Variants in TTN observed in about 807,000 individuals in gnomAD.
The protein encoded by TTN is titin.
In TTN, 1,525 loss-of-function variants were observed where a neutral mutation model predicts 3,223.0. The observed-to-expected ratio is 0.47, with a 90% CI of 0.45 to 0.49. The LOEUF (loss-of-function observed/expected upper bound fraction) is 0.49, where lower values mean the gene tolerates loss of function less well. Among genes scored for constraint, TTN ranks in the 20% least tolerant of loss-of-function variants. The pLI is 0.00. For missense variants in TTN, 40,786 were observed against 43,424.0 expected (o/e 0.94, Z 5.40); for synonymous variants, 14,094 against 15,161.0 (o/e 0.93, Z 5.17).
At chr2:178,627,750 C>G (rs1285473888) in intron 240 of TTN, among the ~76,000 whole-genome samples, 1 of 151,864 alleles carries the variant, frequency 6.6e-6, no homozygotes, top group Admixed American at 6.6e-5. Flanking sequence ...AGAACTGAGA[C>G]TGATCTTTTA....
chr2:178,614,235 C>T lies in TTN; in HGVS notation c.49162G>A (p.Val16388Met), dbSNP rs1299253449. 1.2e-6 allele frequency: 2 copies of T among 1,612,408 alleles called. No homozygotes were observed. The highest frequency in any genetic ancestry group is 1.3e-5 in the African/African-American group (1 of 74,784). Reference protein sequence around the residue: ...DGGSKITNYVVERRATDSEVW... With the variant: ...DGGSKITNYVMERRATDSEVW... ...TCACTATCAGTTGCTCGTCTCTCCA[C>T]AACATAGTTTGTGATCTTAGATCCA... Residue 16388 changes from valine (V) to methionine (M), a missense_variant, in exon 262 of 363, where the codon GTG becomes ATG. Transcript: ENST00000589042.
rs373587432 is a variant in TTN at position 178,567,719 on chromosome 2, G to T, written c.78413C>A (p.Ala26138Asp). 1.1e-5 allele frequency: 17 copies of T among 1,612,202 alleles called. No homozygotes were observed. Among genetic ancestry groups the T allele is most frequent in the Middle Eastern group, 1.6e-4 (1 of 6,074 alleles). ...RDLPDGRWMK[A>D]SFTNVIETQF... Reference sequence around the variant, plus strand: ...AGTTTCAATGACATTTGTAAAGCTAGCTTTCATCCAACGACCATCAGGCAA... The same window carrying T: ...AGTTTCAATGACATTTGTAAAGCTATCTTTCATCCAACGACCATCAGGCAA... Residue 26138 changes from alanine (A) to aspartate (D), a missense_variant, in exon 326 of 363, where the codon GCT becomes GAT. Coordinates refer to ENST00000589042, the MANE Select transcript of TTN (RefSeq NM_001267550.2).
intron 257 of TTN, among the ~76,000 whole-genome samples, chr2:178,616,119 C>G (rs1465495711): frequency 1.3e-5 from 2 of 151,828 alleles, no homozygotes; most frequent in Non-Finnish European, 2.9e-5. Context: ...CTGATTAGGT[C>G]AACTAAGGTA....
In TTN at chr2:178,554,764, A is replaced by G. The variant is rs1170747462; in HGVS notation, c.88595-12T>C. The stretch of plus-strand genomic sequence containing the variant: ...TGGGCCTGGTTTGTCTATCAGTGAA[A>G]GGACAAAACACGATGTTAGTACTTC... On this transcript the variant is annotated splice_polypyrimidine_tract_variant and intron_variant, in intron 331 of 362. Transcript: ENST00000589042. 1.2e-6 allele frequency: 2 copies of G among 1,612,538 alleles called. No homozygotes were observed. The highest frequency in any genetic ancestry group is 1.7e-6 in the Non-Finnish European group (2 of 1,179,524).
Position 178,779,378 on chromosome 2 carries a change from C to T in TTN, c.3814G>A (p.Glu1272Lys). ...GCCATCTTTTCTTCTCCATCTTCTT[C>T]AAGAAGTTCTTCTAATGTAGTCTTT... ...IIKTTLEELL[E>K]EDGEEKMAVD... Residue 1272 changes from glutamate (E) to lysine (K), a missense_variant, in exon 23 of 363, where the codon GAA becomes AAA. Transcript: ENST00000589042. 6.2e-7 allele frequency: 1 copy of T among 1,605,660 alleles called. No individual in the cohort carries two copies. Among genetic ancestry groups the T allele is most frequent in the Non-Finnish European group, 8.5e-7 (1 of 1,172,706 alleles).
rs1558954742 is a variant in TTN, at chr2:178,527,208, T to G, written c.107780A>C (p.Glu35927Ala). ...TCTTCCACCACAGGACCATGTTACT[T>G]CTGGGGTAGGCTCACCCGTGAAAGC... ...ACAFTGEPTP[E>A]VTWSCGGRKI... The change falls in exon 363 of 363, where the codon GAA becomes GCA. Residue 35927 changes from glutamate (E) to alanine (A), a missense_variant. Transcript: ENST00000589042. 4 of 1,613,966 alleles carry G rather than the reference T, an allele frequency of 2.5e-6. No individual in the cohort carries two copies. Among genetic ancestry groups the G allele is most frequent in the Non-Finnish European group, 3.4e-6 (4 of 1,179,872 alleles).
rs1559399270 is a variant in TTN at position 178,571,213 on chromosome 2, A to G, written c.74919T>C (p.Leu24973=). The change falls in exon 326 of 363, where the codon CTT becomes CTC. Residue 24973 remains leucine (L), a synonymous_variant. Transcript: ENST00000589042. ...IPQTKFKTTG[L]EEGVEYEFRV... is the part of the protein sequence containing the mutation. ...TAAATTCATATTCAACACCTTCTTC[A>G]AGGCCAGTTGTCTTAAACTTGGTTT... 6.2e-7 allele frequency: 1 copy of G among 1,613,546 alleles called. No individual in the cohort carries two copies.
intron 242 of TTN, among the ~76,000 whole-genome samples, chr2:178,623,335 A>G (rs1186525388): frequency 1.3e-5 from 2 of 151,936 alleles, no homozygotes; most frequent in Non-Finnish European, 2.9e-5. Flanking sequence ...TATTAGTGCA[A>G]TAAAGCAATG....
At position 178,532,761 on chromosome 2, in the gene TTN, T is replaced by C. The variant is rs2154134571; in HGVS notation, c.103854A>G (p.Lys34618=). Residue 34618 remains lysine (K), a synonymous_variant, in exon 358 of 363, where the codon AAA becomes AAG. Coordinates refer to ENST00000589042, the MANE Select transcript of TTN (RefSeq NM_001267550.2). ...LPRITDQYRP[K]WRIPKLSQDD... Reference sequence around the variant, plus strand: ...CTTGGGACAGTTTAGGAATACGCCATTTAGGTCTGTATTGATCTGTAATGC... The same window carrying C: ...CTTGGGACAGTTTAGGAATACGCCACTTAGGTCTGTATTGATCTGTAATGC... 6.2e-7 allele frequency: 1 copy of C among 1,613,956 alleles called. No individual in the cohort carries two copies. Among genetic ancestry groups the C allele is most frequent in the Non-Finnish European group, 8.5e-7 (1 of 1,179,854 alleles).
chr2:178,750,375 G>C lies in TTN; in HGVS notation c.11311+2749C>G, dbSNP rs762170966. 4 of 1,613,000 alleles carry C rather than the reference G, an allele frequency of 2.5e-6. No individual in the cohort carries two copies. In the East Asian group the frequency reaches 6.7e-5, roughly 27 times the overall value. On this transcript the variant is annotated intron_variant, in intron 47 of 362. Transcript: ENST00000589042. ...ACACAAGTAATAGAACCTTCATTCT[G>C]ATGATGAACAGATGAAAGAGTTAAT...
In TTN at chr2:178,730,490, A is replaced by G. The variant is rs2080251306; in HGVS notation, c.18028+15T>C. On this transcript the variant is annotated intron_variant, in intron 61 of 362. Coordinates refer to ENST00000589042, the MANE Select transcript of TTN (RefSeq NM_001267550.2). ...TTTTGTAAGTTCTTGATAAGTGGAAATAAAATTTGCCAACCTTTGACTGTC... is the reference window on the plus strand; with the variant it reads ...TTTTGTAAGTTCTTGATAAGTGGAAGTAAAATTTGCCAACCTTTGACTGTC... The G allele has an allele frequency of 1.3e-6, 2 of 1,583,026 alleles. No homozygotes were observed. The highest frequency in any genetic ancestry group is 4.5e-5 in the East Asian group (2 of 44,356).
At chr2:178,744,967 TA>T in intron 47 of TTN, 1 of 985,320 alleles carries the variant, frequency 1.0e-6, no homozygotes. Context: ...AGAGGAATAT[TA>T]ATAACGAAAA....
At chr2:178,758,833 G>C in intron 44 of TTN, 151 bp downstream of exon 44, 2 of 809,324 alleles carry the variant, frequency 2.5e-6, no homozygotes, top group Non-Finnish European at 4.1e-6. Context: ...GGAGAGGCGA[G>C]ACCATGGCAT....
Position 178,649,626 on chromosome 2 carries a change from C to T in TTN, c.39901G>A (p.Glu13301Lys). The T allele has an allele frequency of 6.4e-7, 1 of 1,550,524 alleles. No individual in the cohort carries two copies. The highest frequency in any genetic ancestry group is 1.2e-5 in the South Asian group (1 of 84,064). Residue 13301 changes from glutamate (E) to lysine (K), a missense_variant, in exon 212 of 363, where the codon GAG (glutamate) becomes AAG (lysine). Physicochemically the swap from Glu to Lys is moderately conservative, Grantham distance 56. Transcript: ENST00000589042. ...KPEAPPPKEP[E>K]MPKKVVPVKK... is the part of the protein sequence containing the mutation. Reference sequence around the variant, plus strand: ...ACTGGAACAACTTTCTTTGGCATCTCAGGTTCTTTAAAGATATCAGTAGCA... The same window carrying T: ...ACTGGAACAACTTTCTTTGGCATCTTAGGTTCTTTAAAGATATCAGTAGCA...
Position 178,774,409 on chromosome 2 carries a change from T to A in TTN, c.6855A>T (p.Glu2285Asp). ...DIEVPESYSGELECIVSPENI... is the reference protein window; with the variant it reads ...DIEVPESYSGDLECIVSPENI... ...TTTCTGGGGATACAATGCACTCTAA[T>A]TCTCCTGAATATGATTCTGGAACTT... The change falls in exon 30 of 363, where the codon GAA (glutamate) becomes GAT (aspartate). Residue 2285 changes from glutamate to aspartate, a missense_variant. Transcript: ENST00000589042. 1 of 1,613,906 alleles carries A rather than the reference T, an allele frequency of 6.2e-7. No homozygotes were observed. Among genetic ancestry groups the A allele is most frequent in the Non-Finnish European group, 8.5e-7 (1 of 1,179,920 alleles).
intron 355 of TTN, 34 bp from the exon 356 acceptor site, chr2:178,537,277 A>G (rs751520484): frequency 1.9e-6 from 3 of 1,544,124 alleles, no homozygotes; most frequent in East Asian, 4.5e-5. Context: ...GGTGGTTTTC[A>G]TAGTGTGTTT....
In TTN at chr2:178,721,003, A is replaced by G; in HGVS notation, c.23016T>C (p.Ser7672=). Residue 7672 remains serine, a synonymous_variant, in exon 79 of 363, where the codon AGT becomes AGC. Coordinates refer to ENST00000589042, the MANE Select transcript of TTN (RefSeq NM_001267550.2). Reference sequence around the variant, plus strand: ...AAATGTAGTCCCCGCTGTCTTCAGCACTAGCTTCATTGATCGTAAGCAATG... The same window carrying G: ...AAATGTAGTCCCCGCTGTCTTCAGCGCTAGCTTCATTGATCGTAAGCAATG... ...SVALLTINEA[S]AEDSGDYICE... is the part of the protein sequence containing the mutation. 6.2e-7 allele frequency: 1 copy of G among 1,613,352 alleles called. No individual in the cohort carries two copies. The highest frequency in any genetic ancestry group is 8.5e-7 in the Non-Finnish European group (1 of 1,179,378).
Position 178,578,944 on chromosome 2 carries a change from A to G in TTN, c.68086T>C (p.Ser22696Pro), listed in dbSNP as rs754821175. ...SVNNKWVTCASAVQKTTFRVT... is the reference protein window; with the variant it reads ...SVNNKWVTCAPAVQKTTFRVT... ...CTAAAGGTGGTTTTCTGGACAGCTGAGGCGCACGTCACCCACTTGTTGTTC... is the reference window on the plus strand; with the variant it reads ...CTAAAGGTGGTTTTCTGGACAGCTGGGGCGCACGTCACCCACTTGTTGTTC... Residue 22696 changes from serine to proline, a missense_variant, in exon 320 of 363, where the codon TCA becomes CCA. Coordinates refer to ENST00000589042, the MANE Select transcript of TTN (RefSeq NM_001267550.2). The G allele has an allele frequency of 1.2e-6, 2 of 1,613,148 alleles. No homozygotes were observed. The highest frequency in any genetic ancestry group is 1.7e-6 in the Non-Finnish European group (2 of 1,179,522).
Position 178,582,369 on chromosome 2 carries a change from A to G in TTN, c.66087T>C (p.Arg22029=). ...CTCCATATTTATTTTCAGCACAAAT[A>G]CGGAACTGATACTCATGGCCCTCTA... ...KLIEGHEYQF[R]ICAENKYGVG... is the part of the protein sequence containing the mutation. The change falls in exon 314 of 363, where the codon CGT becomes CGC. Residue 22029 remains arginine, a synonymous_variant. Coordinates refer to ENST00000589042, the MANE Select transcript of TTN (RefSeq NM_001267550.2). The G allele has an allele frequency of 1.9e-6, 3 of 1,612,376 alleles. No individual in the cohort carries two copies. Among genetic ancestry groups the G allele is most frequent in the Non-Finnish European group, 1.7e-6 (2 of 1,179,178 alleles).
Sources: allele counts gnomAD v4.1 joint callset (sites outside exome capture counted in the v4.1 genomes callset), GRCh38; gene constraint gnomAD v4.1.1; transcripts MANE v1.5; gene names NCBI Gene and HGNC (gene_info 2026-07-23, HGNC 2026-07-21).